The following SASH1 variants were observed in gnomAD, a reference collection of about 807,000 sequenced individuals.
SASH1 encodes the protein SAM and SH3 domain containing 1, also known as SAM and SH3 domain-containing protein 1.
Under a neutral mutation model 125.2 loss-of-function variants are expected in SASH1, and 44 were observed. That is an observed-to-expected ratio of 0.35 (90% confidence interval 0.28 to 0.45). SASH1 has a LOEUF of 0.45. Ranked by LOEUF, SASH1 falls within the 20% of genes least tolerant of loss-of-function variation. The pLI is 1.00. For synonymous variants in SASH1, 639 were observed against 649.1 expected, an observed-to-expected ratio of 0.98 and a Z score of 0.24; for missense variants, 1,426 against 1,614.5, an observed-to-expected ratio of 0.88 and a Z score of 2.00.
At chr6:148,385,170 C>T (rs1783310025) in intron 1 of SASH1, among the ~76,000 whole-genome samples, 1 of 152,144 alleles carries the variant, frequency 6.6e-6, no homozygotes, top group African/African-American at 2.4e-5. Context: ...CCACCCTTTT[C>T]TAATTATTAT....
At chr6:148,289,211 C>T (rs1341215224) in intron 1 of SASH1, among the ~76,000 whole-genome samples, 1 of 152,114 alleles carries the variant, frequency 6.6e-6, no homozygotes, top group Admixed American at 6.5e-5. Flanking sequence ...ATTCCCAGCC[C>T]AGGTCACCTC....
chr6:148,284,467 C>T (rs906699943), intron 1 of SASH1, among the ~76,000 whole-genome samples: 7 of 152,172 alleles, frequency 4.6e-5, no homozygotes, highest in Admixed American at 1.3e-4. Flanking sequence ...ACATTTTCTA[C>T]TGTATGAAAA....
chr6:148,225,421 A>G, the SASH1 span, among the ~76,000 whole-genome samples: 1 of 151,804 alleles, frequency 6.6e-6, no homozygotes. Flanking sequence ...TGTTTTTTGC[A>G]GCAACTTGGA....
At chr6:148,433,909 AT>A (rs1241229672) in intron 2 of SASH1, among the ~76,000 whole-genome samples, 1 of 151,832 alleles carries the variant, frequency 6.6e-6, no homozygotes, top group Non-Finnish European at 1.5e-5. Flanking sequence ...TTTGTTATAT[AT>A]ATCTTTTATT....
the SASH1 span, among the ~76,000 whole-genome samples, chr6:148,212,163 G>T: frequency 2.6e-5 from 4 of 152,184 alleles, no homozygotes; most frequent in African/African-American, 9.7e-5. Context: ...CAGGGAATTG[G>T]GAGTTTAGGA....
rs773998010 is a variant in SASH1, at chr6:148,514,337, C to T, written c.743C>T (p.Ser248Leu). ...GSSNCNSREQ[S>L]DDETEESVKF... Reference sequence around the variant, plus strand: ...TTTCTTTGCCAGTCAAGAGAACAATCGGATGATGAGACTGAGGAGTCGGTG... The same window carrying T: ...TTTCTTTGCCAGTCAAGAGAACAATTGGATGATGAGACTGAGGAGTCGGTG... The change falls in exon 9 of 20, where the codon TCG (serine) becomes TTG (leucine). Residue 248 changes from serine (S) to leucine (L), a missense_variant. Around this residue, in one of 3 missense-constraint regions of SASH1, gnomAD observed 567 missense variants for 575.6 expected, o/e 0.99. Coordinates refer to ENST00000367467, the MANE Select transcript of SASH1 (RefSeq NM_015278.5). 2.5e-6 allele frequency: 4 copies of T among 1,604,224 alleles called. No homozygotes were observed. Among genetic ancestry groups the T allele is most frequent in the Non-Finnish European group, 2.5e-6 (3 of 1,177,570 alleles).
At chr6:148,329,637 T>G (rs1780931475) in intron 1 of SASH1, among the ~76,000 whole-genome samples, 1 of 152,144 alleles carries the variant, frequency 6.6e-6, no homozygotes, top group Non-Finnish European at 1.5e-5. Flanking sequence ...TGTGAGTGTG[T>G]ATGTGTGTGT....
chr6:148,369,972 A>AAC (rs1782645674), intron 1 of SASH1, among the ~76,000 whole-genome samples: 3 of 149,440 alleles, frequency 2.0e-5, no homozygotes, highest in South Asian at 4.2e-4. Context: ...AAAACAAAAA[A>AAC]AAAAAAAAAA....
Position 148,544,928 on chromosome 6 carries a change from A to G in SASH1, c.3348+110A>G. 1 of 1,033,694 alleles carries G rather than the reference A, an allele frequency of 9.7e-7. No homozygotes were observed. The highest frequency in any genetic ancestry group is 1.4e-6 in the Non-Finnish European group (1 of 726,634). The allele number at this position is 1,033,694 out of a possible 1,614,324, so 64.0% of individuals were successfully genotyped here. A position where few individuals can be genotyped will look rare whatever the true frequency, so the allele number is the denominator to read the frequency against. On this transcript the variant is annotated intron_variant, in intron 18 of 19. Transcript: ENST00000367467. This position sits in a 1 kb window ranked among gnomAD's most constrained non-coding sequence, Gnocchi z 6.4. Reference sequence around the variant, plus strand: ...GCCAGCCCGGTAGCCCGCCCAGTGGACAGGAGACACCTGAATCCACGTGTC... The same window carrying G: ...GCCAGCCCGGTAGCCCGCCCAGTGGGCAGGAGACACCTGAATCCACGTGTC...
intron 2 of SASH1, among the ~76,000 whole-genome samples, chr6:148,433,982 G>A (rs1022745365): frequency 4.0e-5 from 6 of 150,972 alleles, no homozygotes; most frequent in South Asian, 2.1e-4. Flanking sequence ...AACCATTGGC[G>A]TGTAGAATTC....
intron 1 of SASH1, among the ~76,000 whole-genome samples, chr6:148,348,019 A>ATTTTTTTTTTTTTTTTTTTT (rs1365163473): frequency 6.6e-6 from 1 of 152,008 alleles, no homozygotes; most frequent in Non-Finnish European, 1.5e-5. Flanking sequence ...TTATTTATTT[A>ATTTTTTTTTTTTTTTTTTTT]TTTTTGAGAA....
At chr6:148,269,998 G>A (rs902212591), upstream of SASH1, among the ~76,000 whole-genome samples, 7 of 150,212 alleles carry the variant, frequency 4.7e-5, no homozygotes, top group Non-Finnish European at 1.0e-4. Flanking sequence ...ATTTTCTGCC[G>A]TACACCATAG....
At chr6:148,318,845 C>G (rs1205129202) in intron 1 of SASH1, among the ~76,000 whole-genome samples, 1 of 151,922 alleles carries the variant, frequency 6.6e-6, no homozygotes, top group Non-Finnish European at 1.5e-5. Context: ...GCCGCCACGC[C>G]CAGCTATACT....
chr6:148,417,351 G>A (rs1038820717), intron 2 of SASH1, among the ~76,000 whole-genome samples: 1 of 152,060 alleles, frequency 6.6e-6, no homozygotes, highest in Non-Finnish European at 1.5e-5. Context: ...CTTTGGGAGG[G>A]TGAAGCGGGC....
At chr6:148,270,294 G>A (rs923613156), upstream of SASH1, among the ~76,000 whole-genome samples, 5 of 152,114 alleles carry the variant, frequency 3.3e-5, no homozygotes, top group South Asian at 2.1e-4. Flanking sequence ...TCCACCCCGG[G>A]TATCCCTCAC....
chr6:148,522,639 C>T (rs1780890372), intron 10 of SASH1, among the ~76,000 whole-genome samples: 1 of 152,182 alleles, frequency 6.6e-6, no homozygotes, highest in African/African-American at 2.4e-5. Flanking sequence ...TTGAATTCAA[C>T]CCCAAAACAT....
At position 148,463,135 on chromosome 6, in the gene SASH1, G is replaced by A. The variant is rs142609517; in HGVS notation, c.387-5410G>A. Among the ~76,000 whole-genome samples the A allele has an allele frequency of 3.2e-4, 48 of 151,840 alleles. 1 individual carries two copies. In the East Asian group the frequency reaches 9.3e-3, roughly 29 times the overall value. On this transcript the variant is annotated intron_variant, in intron 4 of 19. Transcript: ENST00000367467. The stretch of plus-strand genomic sequence containing the variant: ...AGAGTTTCCACTGTGTGGAGTGAGA[G>A]ACTGCAATATAATTTTTTTTTTTTT...
chr6:148,442,385 C>T (rs996182505), intron 4 of SASH1, among the ~76,000 whole-genome samples: 6 of 152,012 alleles, frequency 3.9e-5, no homozygotes, highest in African/African-American at 7.2e-5. Flanking sequence ...AGAACAAGAC[C>T]CCATCTCAAA....
chr6:148,451,959 G>GT (rs1777120022), intron 4 of SASH1, among the ~76,000 whole-genome samples: 1 of 152,116 alleles, frequency 6.6e-6, no homozygotes, highest in Admixed American at 6.5e-5. Context: ...CCTGGGGCCT[G>GT]TGTGTATGGG....
Sources: gnomAD v4.1 joint callset for allele counts (sites outside exome capture counted in the v4.1 genomes callset) on GRCh38, gnomAD v4.1.1 for gene constraint, gnomAD v4.1.1 regional missense constraint, Gnocchi (gnomAD v3.1) non-coding constraint, MANE v1.5 for transcripts, NCBI Gene and HGNC (gene_info 2026-07-23, HGNC 2026-07-21) for gene names.